Variants in FAM13A observed in about 807,000 individuals in gnomAD.
FAM13A encodes the protein protein FAM13A.
FAM13A carries 76 observed loss-of-function variants against 129.6 expected under a neutral mutation model. That is an observed-to-expected ratio of 0.59 (90% CI 0.49 to 0.71). The LOEUF (loss-of-function observed/expected upper bound fraction) is 0.71, where lower values mean the gene tolerates loss of function less well. FAM13A is among the 30% of genes least tolerant of loss of function. The pLI is 0.00. For missense variants in FAM13A, 1,108 were observed against 1,249.3 expected (o/e 0.89, Z 1.70); for synonymous variants, 443 against 449.9 (o/e 0.98, Z 0.20).
chr4:88,837,519 C>A (rs1472751507), intron 7 of FAM13A, among the ~76,000 whole-genome samples: 2 of 150,158 alleles, frequency 1.3e-5, no homozygotes, highest in Non-Finnish European at 3.0e-5. Context: ...AGTTTGAGAC[C>A]AGCCTGACTA....
chr4:88,781,279 T>C lies in FAM13A; in HGVS notation c.1344A>G (p.Glu448=), dbSNP rs753164722. The change falls in exon 11 of 24, where the codon GAA becomes GAG. Residue 448 remains glutamate, a synonymous_variant. Coordinates refer to ENST00000264344, the MANE Select transcript of FAM13A (RefSeq NM_014883.4). ...HLDDCILNTQ[E]VEKVHKNTFG... ...AAGTATTTTTGTGTACCTTTTCGACTTCCTGAGTATTCAAAATACAATCAT... is the reference window on the plus strand; with the variant it reads ...AAGTATTTTTGTGTACCTTTTCGACCTCCTGAGTATTCAAAATACAATCAT... The C allele has an allele frequency of 3.7e-6, 6 of 1,613,136 alleles. No homozygotes were observed. The highest frequency in any genetic ancestry group is 5.1e-6 in the Non-Finnish European group (6 of 1,179,348).
rs184393114 is a variant in FAM13A at position 88,747,963 on chromosome 4, C to G, written c.2162-112G>C. The G allele has an allele frequency of 1.3e-4, 92 of 705,976 alleles. No individual in the cohort carries two copies. The African/African-American group carries it at 1.6e-3, about 12-fold the overall frequency. The allele number at this position is 705,976 out of a possible 1,614,324, so 43.7% of individuals were successfully genotyped here. The stretch of plus-strand genomic sequence containing the variant: ...GGAGTGCAGTGGCACGATCTCGGCT[C>G]ACTGCAAGCTCCGCCTCCTGGGTTC... On this transcript the variant is annotated intron_variant, in intron 17 of 23. Coordinates refer to ENST00000264344, the MANE Select transcript of FAM13A (RefSeq NM_014883.4).
intron 6 of FAM13A, among the ~76,000 whole-genome samples, chr4:88,884,911 AT>A (rs1744159421): frequency 6.6e-6 from 1 of 152,186 alleles, no homozygotes. Flanking sequence ...CTGTAAAAAA[AT>A]AAAATCAAAT....
intron 6 of FAM13A, among the ~76,000 whole-genome samples, chr4:88,876,764 T>C (rs1742583521): frequency 6.6e-6 from 1 of 152,126 alleles, no homozygotes; most frequent in African/African-American, 2.4e-5. Flanking sequence ...GCTAATTTTT[T>C]GTATTTTTAG....
At chr4:88,944,094 T>TG (rs1171769674) in intron 4 of FAM13A, among the ~76,000 whole-genome samples, 12 of 152,246 alleles carry the variant, frequency 7.9e-5, no homozygotes, top group African/African-American at 2.2e-4. Context: ...CTGGGCATGG[T>TG]GGCTCACATG....
intron 3 of FAM13A, among the ~76,000 whole-genome samples, chr4:89,010,961 C>T (rs1765652962): frequency 6.6e-6 from 1 of 152,138 alleles, no homozygotes; most frequent in Non-Finnish European, 1.5e-5. Context: ...GATTTTCCTG[C>T]CTCAGCCTTC....
intron 7 of FAM13A, among the ~76,000 whole-genome samples, chr4:88,832,099 T>TG (rs1470915592): frequency 1.3e-5 from 2 of 152,250 alleles, no homozygotes; most frequent in Admixed American, 1.3e-4. Context: ...TAAAACCGTC[T>TG]GATCTTCAAT....
At chr4:88,742,211 C>T (rs1307474168) in intron 19 of FAM13A, among the ~76,000 whole-genome samples, 1 of 152,188 alleles carries the variant, frequency 6.6e-6, no homozygotes, top group African/African-American at 2.4e-5. Context: ...TAAAACCAAC[C>T]AGTTGTGACA....
intron 6 of FAM13A, among the ~76,000 whole-genome samples, chr4:88,885,599 C>A (rs1440457112): frequency 6.6e-6 from 1 of 152,138 alleles, no homozygotes; most frequent in Non-Finnish European, 1.5e-5. Flanking sequence ...TTGGCTTAGG[C>A]AAAGACTTCA....
At chr4:88,883,292 A>C (rs1743882204) in intron 6 of FAM13A, among the ~76,000 whole-genome samples, 1 of 152,170 alleles carries the variant, frequency 6.6e-6, no homozygotes, top group Non-Finnish European at 1.5e-5. Flanking sequence ...AAATTTAAGA[A>C]GATTGAAATA....
chr4:88,763,742 T>C (rs781567680), intron 13 of FAM13A, among the ~76,000 whole-genome samples: 8 of 152,214 alleles, frequency 5.3e-5, no homozygotes, highest in Non-Finnish European at 1.2e-4. Flanking sequence ...TATCAGAAAG[T>C]ATGCTGTATA....
intron 3 of FAM13A, among the ~76,000 whole-genome samples, chr4:89,018,913 G>A (rs1368832013): frequency 6.6e-6 from 1 of 152,230 alleles, no homozygotes; most frequent in East Asian, 1.9e-4. Context: ...ATGTGGCAAA[G>A]ATGTGTTTCC....
chr4:89,042,649 G>A (rs1016350676), intron 1 of FAM13A, among the ~76,000 whole-genome samples: 2 of 151,928 alleles, frequency 1.3e-5, no homozygotes, highest in Non-Finnish European at 2.9e-5. Flanking sequence ...TTCTCAAAGA[G>A]GTCTATGATC....
chr4:89,043,859 T>A (rs186308699), intron 1 of FAM13A, among the ~76,000 whole-genome samples: 1 of 151,890 alleles, frequency 6.6e-6, no homozygotes, highest in Non-Finnish European at 1.5e-5. Context: ...ATTGCTTGAG[T>A]CCAGAAGTTC....
intron 4 of FAM13A, among the ~76,000 whole-genome samples, chr4:88,988,043 G>T (rs537547744): frequency 2.0e-5 from 3 of 152,038 alleles, no homozygotes; most frequent in Non-Finnish European, 4.4e-5. Flanking sequence ...AATGTATACT[G>T]TGCTTAACAC....
At chr4:88,959,377 C>T (rs1249484827) in intron 4 of FAM13A, among the ~76,000 whole-genome samples, 1 of 152,144 alleles carries the variant, frequency 6.6e-6, no homozygotes, top group African/African-American at 2.4e-5. Flanking sequence ...GGATGGTTCC[C>T]TCATGAATGG....
intron 7 of FAM13A, among the ~76,000 whole-genome samples, chr4:88,848,082 C>T (rs17014717): frequency 0.014 from 2,101 of 152,306 alleles, 51 homozygotes; most frequent in African/African-American, 0.049. Flanking sequence ...CTCTTGTCAC[C>T]TAGCCACTTG....
chr4:89,017,855 C>A (rs1352941633), intron 3 of FAM13A, among the ~76,000 whole-genome samples: 1 of 152,046 alleles, frequency 6.6e-6, no homozygotes, highest in Non-Finnish European at 1.5e-5. Flanking sequence ...AATTAGCAAG[C>A]CTCGAACATG....
chr4:88,874,234 C>G (rs1741968762), intron 6 of FAM13A, among the ~76,000 whole-genome samples: 1 of 152,104 alleles, frequency 6.6e-6, no homozygotes, highest in Non-Finnish European at 1.5e-5. Flanking sequence ...TGGCACAAGA[C>G]AGGGATGCCC....
Sources: gnomAD v4.1 joint callset for allele counts (sites outside exome capture counted in the v4.1 genomes callset) on GRCh38, gnomAD v4.1.1 for gene constraint, MANE v1.5 for transcripts, NCBI Gene and HGNC (gene_info 2026-07-23, HGNC 2026-07-21) for gene names.